ANKRD28: variants seen among roughly 807,000 people sequenced by gnomAD.
ANKRD28 encodes the protein serine/threonine-protein phosphatase 6 regulatory ankyrin repeat subunit A.
A neutral mutation model predicts 126.5 loss-of-function variants in ANKRD28; 44 were observed. The observed-to-expected ratio is 0.35, with a 90% confidence interval of 0.27 to 0.45. The LOEUF (loss-of-function observed/expected upper bound fraction) is 0.45. Ranked by LOEUF, ANKRD28 falls within the 20% of genes least tolerant of loss-of-function variation. The pLI is 1.00. For synonymous variants in ANKRD28, 442 were observed against 468.5 expected (o/e 0.94, Z 0.73); for missense variants, 1,110 against 1,316.6 (o/e 0.84, Z 2.43).
intron 1 of ANKRD28, among the ~76,000 whole-genome samples, chr3:15,842,727 A>G (rs2061449425): frequency 6.6e-6 from 1 of 152,202 alleles, no homozygotes; most frequent in African/African-American, 2.4e-5. Flanking sequence ...TGTACCCACA[A>G]AAGCTAAAAA....
At chr3:15,772,359 C>A (rs2059056981) in intron 2 of ANKRD28, among the ~76,000 whole-genome samples, 1 of 151,934 alleles carries the variant, frequency 6.6e-6, no homozygotes, top group South Asian at 2.1e-4. Context: ...TCAATAAAAT[C>A]CCCAAAACAT....
Position 15,712,124 on chromosome 3 carries a change from CA to C in ANKRD28, c.1273+15del. On this transcript the variant is annotated intron_variant, in intron 11 of 27. Coordinates refer to ENST00000683139, the MANE Select transcript of ANKRD28 (RefSeq NM_001349278.2). ...GTTTGAGGAGACATACAAAAGGCTG[CA>C]AAGGTTACACTTACCTGAAGAAAGA... 1 of 1,559,122 alleles carries C rather than the reference CA, an allele frequency of 6.4e-7. No homozygotes were observed. Among genetic ancestry groups the C allele is most frequent in the East Asian group, 2.4e-5 (1 of 42,000 alleles).
At chr3:15,793,555 T>G (rs562514729) in intron 2 of ANKRD28, among the ~76,000 whole-genome samples, 2 of 152,216 alleles carry the variant, frequency 1.3e-5, no homozygotes, top group Non-Finnish European at 2.9e-5. Context: ...GATGGAGAAA[T>G]TAGCCCTGGT....
intron 1 of ANKRD28, among the ~76,000 whole-genome samples, chr3:15,849,802 C>T (rs888537745): frequency 1.3e-5 from 2 of 152,184 alleles, no homozygotes; most frequent in African/African-American, 4.8e-5. Flanking sequence ...AGTATAAAAG[C>T]ATCTTGCTTT....
chr3:15,719,141 T>C (rs891981738), intron 8 of ANKRD28, among the ~76,000 whole-genome samples: 1 of 152,226 alleles, frequency 6.6e-6, no homozygotes, highest in African/African-American at 2.4e-5. Context: ...TCTCATGTTT[T>C]TTCTTCCTTG....
At chr3:15,788,524 G>C (rs900869203) in intron 2 of ANKRD28, among the ~76,000 whole-genome samples, 1 of 152,020 alleles carries the variant, frequency 6.6e-6, no homozygotes, top group South Asian at 2.1e-4. Flanking sequence ...AAGTTAAATT[G>C]AGTAATACAA....
chr3:15,713,150 A>G (rs970786702), intron 10 of ANKRD28, among the ~76,000 whole-genome samples: 1 of 152,182 alleles, frequency 6.6e-6, no homozygotes, highest in African/African-American at 2.4e-5. Context: ...TTGGCACAGC[A>G]CAGCCTGAAA....
chr3:15,802,965 G>T (rs146836424), upstream of ANKRD28, among the ~76,000 whole-genome samples: 4 of 152,006 alleles, frequency 2.6e-5, no homozygotes, highest in East Asian at 7.7e-4. Context: ...ATAAATTCTC[G>T]AATAAAAAAA....
intron 1 of ANKRD28, among the ~76,000 whole-genome samples, chr3:15,810,234 AG>A (rs2060684031): frequency 6.6e-6 from 1 of 152,158 alleles, no homozygotes; most frequent in Admixed American, 6.5e-5. Flanking sequence ...GAGGCCATGT[AG>A]GATGGTGAAA....
intron 3 of ANKRD28, among the ~76,000 whole-genome samples, chr3:15,760,495 G>A (rs113712682): frequency 6.6e-5 from 10 of 152,270 alleles, no homozygotes; most frequent in Non-Finnish European, 8.8e-5. Context: ...TCGAAGATAC[G>A]TAAGAATCTG....
intron 2 of ANKRD28, among the ~76,000 whole-genome samples, chr3:15,777,444 G>A (rs1389217147): frequency 6.6e-6 from 1 of 152,146 alleles, no homozygotes; most frequent in Non-Finnish European, 1.5e-5. Flanking sequence ...ATCTTAGGGT[G>A]TGGGGGAAGT....
Position 15,817,832 on chromosome 3 carries a change from T to A in ANKRD28, c.28-22526A>T, listed in dbSNP as rs932816947. On this transcript the variant is annotated intron_variant, in intron 1 of 27. Coordinates refer to the ANKRD28 transcript ENST00000399451. The surrounding 1 kb of genome is among the most constrained non-coding windows in gnomAD (Gnocchi z 4.5). ...GATATATAGTTTGGAAGGGAAGAAA[T>A]AAAAGTGCTTGCATTCACAGACAAC... Among the ~76,000 whole-genome samples the A allele has an allele frequency of 6.6e-6, 1 of 151,912 alleles. No homozygotes were observed. Among genetic ancestry groups the A allele is most frequent in the Non-Finnish European group, 1.5e-5 (1 of 67,960 alleles).
At chr3:15,774,310 G>C (rs903440727) in intron 2 of ANKRD28, among the ~76,000 whole-genome samples, 4 of 151,962 alleles carry the variant, frequency 2.6e-5, no homozygotes, top group African/African-American at 9.7e-5. Flanking sequence ...ATAGTTAAGA[G>C]GATAAAAAGA....
chr3:15,773,618 A>G (rs2059123815), intron 2 of ANKRD28, among the ~76,000 whole-genome samples: 1 of 152,194 alleles, frequency 6.6e-6, no homozygotes, highest in African/African-American at 2.4e-5. Context: ...CTCCATGTCA[A>G]AAAAGAAAAA....
upstream of ANKRD28, among the ~76,000 whole-genome samples, chr3:15,799,145 C>T (rs540198545): frequency 1.3e-5 from 2 of 152,102 alleles, no homozygotes; most frequent in Admixed American, 1.3e-4. Context: ...CCACTCATCT[C>T]CAGATCTTTG....
chr3:15,744,437 G>A (rs2057337196), intron 4 of ANKRD28, among the ~76,000 whole-genome samples: 2 of 150,534 alleles, frequency 1.3e-5, no homozygotes, highest in African/African-American at 4.9e-5. Context: ...AGCCTCCAGA[G>A]TAGCTGAAAC....
intron 14 of ANKRD28, chr3:15,697,250 C>G (rs1027555316): frequency 2.0e-5 from 3 of 152,986 alleles, no homozygotes; most frequent in Admixed American, 1.3e-4. Context: ...CGCGAAGGCA[C>G]AAAAATGATA....
At chr3:15,683,877 T>G (rs1364305330) in intron 21 of ANKRD28, 8 of 152,202 alleles carry the variant, frequency 5.3e-5, no homozygotes, top group Non-Finnish European at 1.2e-4. Flanking sequence ...AGATAGGAAA[T>G]CTCAACTTCC....
chr3:15,771,504 G>A (rs556149989), intron 2 of ANKRD28, among the ~76,000 whole-genome samples: 1 of 152,182 alleles, frequency 6.6e-6, no homozygotes, highest in Admixed American at 6.5e-5. Flanking sequence ...GAGAGCAGGG[G>A]TGTCACAAGG....
Sources: allele counts gnomAD v4.1 joint callset (sites outside exome capture counted in the v4.1 genomes callset), GRCh38; gene constraint gnomAD v4.1.1; non-coding constraint Gnocchi (gnomAD v3.1); transcripts MANE v1.5; gene names NCBI Gene and HGNC (gene_info 2026-07-23, HGNC 2026-07-21).